Variants in LRP1B observed in about 807,000 individuals in gnomAD.
The protein encoded by LRP1B is LDL receptor related protein 1B.
LRP1B carries 217 observed loss-of-function variants against 556.6 expected under a neutral mutation model. That is an observed-to-expected ratio of 0.39 (90% confidence interval 0.35 to 0.44). LRP1B has a LOEUF of 0.44. LRP1B is among the 20% of genes least tolerant of loss of function. The probability of loss-of-function intolerance (pLI) is 1.00; values close to 1 mark genes in which losing one functional copy is unlikely to be tolerated. For synonymous variants in LRP1B, 2,047 were observed against 1,865.8 expected (o/e 1.10, Z -2.50); for missense variants, 5,053 against 5,620.8 (o/e 0.90, Z 3.23).
chr2:141,143,835 CT>C (rs11408374), intron 7 of LRP1B, among the ~76,000 whole-genome samples: 53,592 of 148,036 alleles, frequency 0.36, 10,543 homozygotes, highest in Non-Finnish European at 0.46. Flanking sequence ...CTTTCCTAAT[CT>C]TTTTTTTTTT....
At chr2:141,043,037 C>A (rs117761043) in intron 11 of LRP1B, among the ~76,000 whole-genome samples, 250 of 121,892 alleles carry the variant, frequency 2.1e-3, no homozygotes, top group Middle Eastern at 4.7e-3. Context: ...ACAAAAAATA[C>A]AAAAAAAAAA....
chr2:140,358,843 A>C lies in LRP1B; in HGVS notation c.11235T>G (p.Asn3745Lys). ...TACCACCACAGTGATCTTCATCTGA[A>C]TTGTCACCGCATTCATCAATCCCAT... ...MCNGIDECGD[N>K]SDEDHCGGKL... Residue 3745 changes from asparagine (N) to lysine (K), a missense_variant, in exon 73 of 91, where the codon AAT (asparagine) becomes AAG (lysine). By Grantham distance (94) the Asn-to-Lys change is moderately conservative. This residue lies in a region of LRP1B where 599 missense variants were observed against 648.4 expected (regional missense o/e 0.92). Coordinates refer to ENST00000389484, the MANE Select transcript of LRP1B (RefSeq NM_018557.3). 1 of 1,608,704 alleles carries C rather than the reference A, an allele frequency of 6.2e-7. No individual in the cohort carries two copies. Among genetic ancestry groups the C allele is most frequent in the South Asian group, 1.1e-5 (1 of 90,914 alleles).
chr2:141,688,758 C>T (rs778246052), intron 2 of LRP1B, among the ~76,000 whole-genome samples: 5 of 151,776 alleles, frequency 3.3e-5, no homozygotes, highest in South Asian at 2.1e-4. Context: ...AAAGTCATTA[C>T]GTCTATGTAT....
chr2:140,854,300 A>G (rs180953391), intron 27 of LRP1B, among the ~76,000 whole-genome samples: 143 of 152,256 alleles, frequency 9.4e-4, no homozygotes, highest in African/African-American at 3.3e-3. Flanking sequence ...ATGAAAAAAT[A>G]TATATTTTTG....
intron 1 of LRP1B, among the ~76,000 whole-genome samples, chr2:141,914,338 A>T (rs1354612119): frequency 6.6e-6 from 1 of 152,244 alleles, no homozygotes; most frequent in African/African-American, 2.4e-5. Context: ...AATATTGAGT[A>T]TGAAAAATGC....
intron 1 of LRP1B, among the ~76,000 whole-genome samples, chr2:142,129,178 C>CATTT (rs1177875598): frequency 6.6e-6 from 1 of 152,216 alleles, no homozygotes; most frequent in African/African-American, 2.4e-5. Context: ...AGATCAAAGA[C>CATTT]ATCATCATTT....
chr2:141,556,040 A>G (rs772374328), intron 2 of LRP1B, among the ~76,000 whole-genome samples: 130 of 151,794 alleles, frequency 8.6e-4, no homozygotes, highest in Non-Finnish European at 1.4e-3. Context: ...TAATCCATGT[A>G]TTTATCTAAA....
chr2:142,027,183 G>C (rs1703535832), intron 1 of LRP1B, among the ~76,000 whole-genome samples: 1 of 151,780 alleles, frequency 6.6e-6, no homozygotes. Flanking sequence ...TCAGACTGCT[G>C]TATTCATCCA....
intron 18 of LRP1B, among the ~76,000 whole-genome samples, chr2:140,978,827 T>C (rs1558778170): frequency 6.6e-6 from 1 of 152,084 alleles, no homozygotes; most frequent in Non-Finnish European, 1.5e-5. Flanking sequence ...AAAGAAGAAA[T>C]GGTACTGATA....
At chr2:141,261,893 T>C (rs762747540) in intron 3 of LRP1B, among the ~76,000 whole-genome samples, 3 of 152,134 alleles carry the variant, frequency 2.0e-5, no homozygotes, top group Non-Finnish European at 4.4e-5. Flanking sequence ...ATTATTTTAT[T>C]TGGGTAAATA....
intron 1 of LRP1B, among the ~76,000 whole-genome samples, chr2:141,917,827 A>G (rs188352000): frequency 8.7e-4 from 133 of 152,292 alleles, no homozygotes; most frequent in African/African-American, 3.2e-3. Context: ...CTTGCATCTT[A>G]AATAACAGTA....
At chr2:140,264,253 C>T (rs187448439) in intron 86 of LRP1B, among the ~76,000 whole-genome samples, 1 of 151,818 alleles carries the variant, frequency 6.6e-6, no homozygotes. Flanking sequence ...TTTTTTGAAA[C>T]AGTCTTGCTG....
chr2:141,440,395 G>T (rs188410168), intron 3 of LRP1B, among the ~76,000 whole-genome samples: 1 of 152,196 alleles, frequency 6.6e-6, no homozygotes. Flanking sequence ...AAATGGCCAC[G>T]CCCTGCCCTG....
Position 140,601,434 on chromosome 2 carries a change from C to A in LRP1B, c.6989+16G>T, listed in dbSNP as rs1682667578. The A allele has an allele frequency of 1.3e-6, 2 of 1,557,094 alleles. No individual in the cohort carries two copies. Among genetic ancestry groups the A allele is most frequent in the South Asian group, 1.2e-5 (1 of 81,764 alleles). ...TTATAACTATAATGAAGAAATAAAA[C>A]TACACTGTTTCTTACTTTTGACATT... On this transcript the variant is annotated intron_variant, in intron 42 of 90. Coordinates refer to ENST00000389484, the MANE Select transcript of LRP1B (RefSeq NM_018557.3).
At chr2:140,557,657 T>A (rs1038074072) in intron 43 of LRP1B, among the ~76,000 whole-genome samples, 1 of 152,172 alleles carries the variant, frequency 6.6e-6, no homozygotes, top group Non-Finnish European at 1.5e-5. Context: ...CTCAAATGCA[T>A]CAAACACATA....
rs542924409 is a variant in LRP1B at position 141,436,800 on chromosome 2, G to A, written c.343+43596C>T. Among the ~76,000 whole-genome samples the A allele has an allele frequency of 2.6e-5, 4 of 152,122 alleles. No individual in the cohort carries two copies. The East Asian group carries it at 7.7e-4, about 29-fold the overall frequency. On this transcript the variant is annotated intron_variant, in intron 3 of 90. Transcript: ENST00000389484. ...TCAAAATAGAGGAGGTGGGAGGGAA[G>A]TAAACCATTTATACTGGCAGCATTT...
chr2:140,369,904 T>C (rs187761945), intron 71 of LRP1B, among the ~76,000 whole-genome samples: 1 of 152,122 alleles, frequency 6.6e-6, no homozygotes, highest in East Asian at 1.9e-4. Context: ...TGGATGATCT[T>C]CCAAATACCA....
At position 141,464,606 on chromosome 2, in the gene LRP1B, A is replaced by ATATATTTTTTTTTTTTTTTTTTT; in HGVS notation, c.343+15789_343+15790insAAAAAAAAAAAAAAAAAAATATA. On this transcript the variant is annotated intron_variant, in intron 3 of 90. Transcript: ENST00000389484. Reference sequence around the variant, plus strand: ...TTTGTATATATATATATATATATATATTTTTTTAGTAGAGATGGGGTTTCA... The same window carrying ATATATTTTTTTTTTTTTTTTTTT: ...TTTGTATATATATATATATATATATATATATTTTTTTTTTTTTTTTTTTTTTTTTTAGTAGAGATGGGGTTTCA... Among the ~76,000 whole-genome samples, 363 of 90,216 alleles carry ATATATTTTTTTTTTTTTTTTTTT rather than the reference A, an allele frequency of 4.0e-3. 3 individuals are homozygous for ATATATTTTTTTTTTTTTTTTTTT. Among genetic ancestry groups the ATATATTTTTTTTTTTTTTTTTTT allele is most frequent in the Non-Finnish European group, 5.8e-3 (259 of 44,970 alleles). The allele number at this position is 90,216 out of a possible 152,430, so 59.2% of individuals were successfully genotyped here. A position where few individuals can be genotyped will look rare whatever the true frequency, so the allele number is the denominator to read the frequency against.
intron 3 of LRP1B, among the ~76,000 whole-genome samples, chr2:141,363,725 G>T (rs1409765534): frequency 6.6e-6 from 1 of 152,012 alleles, no homozygotes; most frequent in Admixed American, 6.6e-5. Context: ...GATTAAAAAT[G>T]TTGGAATATA....
Sources: gnomAD v4.1 joint callset for allele counts (sites outside exome capture counted in the v4.1 genomes callset) on GRCh38, gnomAD v4.1.1 for gene constraint, gnomAD v4.1.1 regional missense constraint, MANE v1.5 for transcripts, NCBI Gene and HGNC (gene_info 2026-07-23, HGNC 2026-07-21) for gene names.